CDH13: variants seen among roughly 807,000 people sequenced by gnomAD.
The protein encoded by CDH13 is cadherin-13.
A neutral mutation model predicts 63.8 loss-of-function variants in CDH13; 24 were observed. The ratio of observed to expected loss-of-function variants is 0.38; its 90% CI spans 0.27 to 0.53. The LOEUF is 0.53. Among genes scored for constraint, CDH13 ranks in the 20% least tolerant of loss-of-function variants. The pLI is 0.85. For missense variants in CDH13, 1,049 were observed against 903.1 expected (o/e 1.16, Z -2.07); for synonymous variants, 503 against 355.3 (o/e 1.42, Z -4.67).
intron 3 of CDH13, among the ~76,000 whole-genome samples, chr16:83,063,385 C>G (rs1285158159): frequency 6.6e-6 from 1 of 152,118 alleles, no homozygotes; most frequent in African/African-American, 2.4e-5. Context: ...CAAAGCAGCC[C>G]AAGATTATCT....
intron 1 of CDH13, among the ~76,000 whole-genome samples, chr16:82,844,948 C>A (rs893568716): frequency 6.6e-6 from 1 of 152,014 alleles, no homozygotes; most frequent in East Asian, 1.9e-4. Flanking sequence ...AGGCACCGCA[C>A]CTGGCCAATA....
intron 2 of CDH13, among the ~76,000 whole-genome samples, chr16:82,970,138 C>T (rs1288279051): frequency 6.6e-6 from 1 of 152,028 alleles, no homozygotes; most frequent in Non-Finnish European, 1.5e-5. Flanking sequence ...TCCTTGTGTT[C>T]TTATCGTTCA....
chr16:83,669,869 T>G (rs1914348490), intron 8 of CDH13, among the ~76,000 whole-genome samples: 1 of 152,216 alleles, frequency 6.6e-6, no homozygotes, highest in Non-Finnish European at 1.5e-5. Context: ...TATAAAATAT[T>G]TGCAAACACA....
At chr16:83,124,186 C>T (rs2035712945) in intron 3 of CDH13, among the ~76,000 whole-genome samples, 1 of 152,126 alleles carries the variant, frequency 6.6e-6, no homozygotes, top group Non-Finnish European at 1.5e-5. Flanking sequence ...GCTGGGATTA[C>T]AGGTACCTGC....
intron 10 of CDH13, among the ~76,000 whole-genome samples, chr16:83,683,124 T>C (rs1403180895): frequency 6.6e-6 from 1 of 152,202 alleles, no homozygotes; most frequent in Non-Finnish European, 1.5e-5. Flanking sequence ...AACCTGTGAC[T>C]ACAAAGACAA....
intron 8 of CDH13, among the ~76,000 whole-genome samples, chr16:83,647,950 G>C (rs948653017): frequency 1.3e-5 from 2 of 152,122 alleles, no homozygotes; most frequent in African/African-American, 4.8e-5. Flanking sequence ...TTACAAACCT[G>C]ATCCTAAAGC....
chr16:83,747,333 A>T lies in CDH13; in HGVS notation c.1539-775A>T, dbSNP rs73241737. ...TCCCATGCTGTTCTCGTGATAGTGA[A>T]TAAGTCCCATGAGATATGATGGTTT... On this transcript the variant is annotated intron_variant, in intron 10 of 13. Transcript: ENST00000567109. Among the ~76,000 whole-genome samples, 1,408 of 152,268 alleles carry T rather than the reference A, an allele frequency of 9.2e-3. 28 individuals carry two copies. Among genetic ancestry groups the T allele is most frequent in the African/African-American group, 0.031 (1,279 of 41,546 alleles).
At chr16:82,659,585 G>T (rs1911694382) in intron 1 of CDH13, among the ~76,000 whole-genome samples, 1 of 152,082 alleles carries the variant, frequency 6.6e-6, no homozygotes. Context: ...TCCCCTATTG[G>T]GAATTTCTCA....
chr16:83,676,149 A>T (rs1177224500), intron 9 of CDH13, among the ~76,000 whole-genome samples: 1 of 152,190 alleles, frequency 6.6e-6, no homozygotes, highest in Non-Finnish European at 1.5e-5. Flanking sequence ...GAGGAAAAGG[A>T]GCTGAGCGGC....
intron 2 of CDH13, among the ~76,000 whole-genome samples, chr16:82,929,651 C>CAAAAAAAAAAAAAAAAAAAAAAAAAAA (rs71146097): frequency 9.0e-5 from 4 of 44,270 alleles, no homozygotes; most frequent in Admixed American, 4.3e-4. Flanking sequence ...GACTCCATCT[C>CAAAAAAAAAAAAAAAAAAAAAAAAAAA]AAAAAAAAAA....
chr16:83,157,657 G>A (rs1342775504), intron 4 of CDH13, among the ~76,000 whole-genome samples: 6 of 151,754 alleles, frequency 4.0e-5, no homozygotes, highest in Admixed American at 2.0e-4. Flanking sequence ...CGCTTTGGGA[G>A]GCCGAGGCGG....
chr16:83,312,906 A>G (rs1249348276), intron 5 of CDH13, among the ~76,000 whole-genome samples: 1 of 152,202 alleles, frequency 6.6e-6, no homozygotes, highest in Non-Finnish European at 1.5e-5. Context: ...CTGGCACCAT[A>G]GCTGTGTTGC....
intron 4 of CDH13, among the ~76,000 whole-genome samples, chr16:83,199,295 C>G (rs543035824): frequency 1.3e-5 from 2 of 152,224 alleles, no homozygotes; most frequent in Non-Finnish European, 2.9e-5. Context: ...TTTCCTGAAG[C>G]CTGGAAATAA....
intron 7 of CDH13, among the ~76,000 whole-genome samples, chr16:83,557,618 C>G (rs1285767683): frequency 6.6e-6 from 1 of 152,178 alleles, no homozygotes; most frequent in Non-Finnish European, 1.5e-5. Flanking sequence ...GTGACATACT[C>G]TGCTTGCCCT....
intron 4 of CDH13, among the ~76,000 whole-genome samples, chr16:83,181,931 G>C (rs960313303): frequency 2.6e-4 from 39 of 152,294 alleles, no homozygotes; most frequent in African/African-American, 9.4e-4. Flanking sequence ...GTCGGGCACA[G>C]AGACCCTGAC....
chr16:82,941,605 A>T (rs983257809), intron 2 of CDH13, among the ~76,000 whole-genome samples: 2 of 152,188 alleles, frequency 1.3e-5, no homozygotes, highest in African/African-American at 4.8e-5. Flanking sequence ...TGGAGATTGT[A>T]TCAACTCCCA....
intron 1 of CDH13, among the ~76,000 whole-genome samples, chr16:82,815,633 T>C (rs1340685220): frequency 1.3e-5 from 2 of 152,200 alleles, no homozygotes; most frequent in South Asian, 4.1e-4. Flanking sequence ...TGCTGGTGGA[T>C]GCTGCTTCGT....
chr16:82,768,009 C>G (rs1056589547), intron 1 of CDH13, among the ~76,000 whole-genome samples: 12 of 151,792 alleles, frequency 7.9e-5, no homozygotes, highest in Non-Finnish European at 1.2e-4. Flanking sequence ...GGGACCATCC[C>G]TGAGTCATGG....
At chr16:82,766,099 C>G (rs1000423506) in intron 1 of CDH13, among the ~76,000 whole-genome samples, 1 of 152,198 alleles carries the variant, frequency 6.6e-6, no homozygotes, top group Non-Finnish European at 1.5e-5. Context: ...AAAATATTTT[C>G]CTCACCACCT....
Sources: gnomAD v4.1 joint callset for allele counts (sites outside exome capture counted in the v4.1 genomes callset) on GRCh38, gnomAD v4.1.1 for gene constraint, MANE v1.5 for transcripts, NCBI Gene and HGNC (gene_info 2026-07-23, HGNC 2026-07-21) for gene names.